The following KCNQ2 variants were observed in gnomAD, a reference collection of about 807,000 sequenced individuals.
KCNQ2 encodes the protein potassium voltage-gated channel subfamily KQT member 2.
In KCNQ2, 14 loss-of-function variants were observed where a neutral mutation model predicts 84.8. The ratio of observed to expected loss-of-function variants is 0.17; its 90% CI spans 0.11 to 0.26. KCNQ2 has a LOEUF of 0.26. Among genes scored for constraint, KCNQ2 ranks in the 10% least tolerant of loss-of-function variants. The probability of loss-of-function intolerance (pLI) is 1.00; values close to 1 mark genes in which losing one functional copy is unlikely to be tolerated. For synonymous variants in KCNQ2, 599 were observed against 554.1 expected (o/e 1.08, Z -1.14); for missense variants, 788 against 1,254.0 (o/e 0.63, Z 5.61).
In KCNQ2 at chr20:63,414,029, C is replaced by T. The variant is rs542482400; in HGVS notation, c.1631+59G>A. On this transcript the variant is annotated intron_variant, in intron 14 of 16. Coordinates refer to ENST00000359125, the MANE Select transcript of KCNQ2 (RefSeq NM_172107.4). The surrounding 1 kb of genome is among the most constrained non-coding windows in gnomAD (Gnocchi z 6.6). ...CCATGAGCACCGGCAGCAGGCAGGA[C>T]CACCGAGCGGGAGGCCCCTCCTCAC... 1.0e-4 allele frequency: 130 copies of T among 1,280,302 alleles called. No individual in the cohort carries two copies. The African/African-American group carries it at 1.7e-3, about 17-fold the overall frequency. The allele number at this position is 1,280,302 out of a possible 1,614,324, so 79.3% of individuals were successfully genotyped here.
Position 63,464,844 on chromosome 20 carries a change from G to C in KCNQ2, c.296+7324C>G, listed in dbSNP as rs556641147. On this transcript the variant is annotated intron_variant, in intron 1 of 16. Transcript: ENST00000359125. ...GACTCTCCCAGGTGGGACTGAGGGG[G>C]TCTCCCCTGTCCTTGGCAGGGGCGT... Among the ~76,000 whole-genome samples the C allele has an allele frequency of 3.3e-5, 5 of 152,222 alleles. No individual in the cohort carries two copies. In the East Asian group the frequency reaches 9.7e-4, roughly 29 times the overall value.
chr20:63,448,866 C>T (rs963974097), intron 1 of KCNQ2, among the ~76,000 whole-genome samples: 3 of 152,154 alleles, frequency 2.0e-5, no homozygotes, highest in Admixed American at 6.5e-5. Context: ...GGTCACGCCC[C>T]CTCATCATTG....
In KCNQ2 at chr20:63,406,098, G is replaced by C. The variant is rs916180544; in HGVS notation, c.*546C>G. 1.3e-5 allele frequency: 2 copies of C among 154,916 alleles called. No individual in the cohort carries two copies. The highest frequency in any genetic ancestry group is 4.8e-5 in the African/African-American group (2 of 41,464). The allele number at this position is 154,916 out of a possible 1,614,324, so 9.6% of individuals were successfully genotyped here. On this transcript the variant is annotated 3_prime_UTR_variant, in exon 17 of 17. Transcript: ENST00000359125. ...TTGGGCGCCCCTGAGGTGGGGAACA[G>C]GAAAGCCCGCCGGGCAGGTCAGGTG...
At chr20:63,434,083 T>C (rs1195496906) in intron 7 of KCNQ2, 180 bp from the exon 8 acceptor site, 3 of 582,792 alleles carry the variant, frequency 5.1e-6, no homozygotes, top group Non-Finnish European at 9.1e-6. Context: ...CAGTTTACCC[T>C]CTGTAGGACA....
intron 4 of KCNQ2, among the ~76,000 whole-genome samples, chr20:63,443,201 CATCACCACCACCACCATG>C (rs2081286861): frequency 8.3e-6 from 1 of 121,204 alleles, no homozygotes; most frequent in African/African-American, 3.2e-5. Context: ...CCACCACCAC[CATCACCACCACCACCATG>C]ATCACCACCA....
At chr20:63,423,864 C>G in intron 11 of KCNQ2, 3 of 491,850 alleles carry the variant, frequency 6.1e-6, no homozygotes, top group Non-Finnish European at 1.1e-5. Context: ...ACAGAGACCC[C>G]CTGCCTCCGA....
At chr20:63,431,954 A>ATCCATCCACAGGGAAGGC (rs2080804019) in intron 8 of KCNQ2, among the ~76,000 whole-genome samples, 1 of 94,320 alleles carries the variant, frequency 1.1e-5, no homozygotes, top group Non-Finnish European at 2.2e-5. Flanking sequence ...TCAGGGTAGG[A>ATCCATCCACAGGGAAGGC]TCCACCCACA....
rs536981069 is a variant in KCNQ2, at chr20:63,437,738, T to C, written c.1023+887A>G. On this transcript the variant is annotated intron_variant, in intron 7 of 16. Coordinates refer to ENST00000359125, the MANE Select transcript of KCNQ2 (RefSeq NM_172107.4). ...CAGGGATCCTGGTCAGCTCTGCGGG[T>C]CCAGTGGATGGAAGACTTTGGGGAG... 3.3e-5 allele frequency among the ~76,000 whole-genome samples: 5 copies of C among 152,334 alleles called. No homozygotes were observed. In the South Asian group the frequency reaches 1.0e-3, roughly 32 times the overall value.
At position 63,407,449 on chromosome 20, in the gene KCNQ2, A is replaced by C. The variant is rs929450061; in HGVS notation, c.1888-74T>G. 31 of 1,528,238 alleles carry C rather than the reference A, an allele frequency of 2.0e-5. No homozygotes were observed. The African/African-American group carries it at 3.7e-4, about 18-fold the overall frequency. The allele number at this position is 1,528,238 out of a possible 1,614,324, so 94.7% of individuals were successfully genotyped here. ...TGTGGGGACCCAGGCTGCTCCCAGGAAATGGGGGGGCCCAGGCTGGTTCCA... is the reference window on the plus strand; with the variant it reads ...TGTGGGGACCCAGGCTGCTCCCAGGCAATGGGGGGGCCCAGGCTGGTTCCA... On this transcript the variant is annotated intron_variant, in intron 16 of 16. Transcript: ENST00000359125. This position sits in a 1 kb window ranked among gnomAD's most constrained non-coding sequence, Gnocchi z 7.2.
intron 9 of KCNQ2, 38 bp from the exon 10 acceptor site, chr20:63,428,473 C>T (rs1253873397): frequency 1.8e-5 from 28 of 1,519,344 alleles, no homozygotes; most frequent in Non-Finnish European, 2.3e-5. Flanking sequence ...AGCGTCTCAC[C>T]CTCCCGAGTC....
At chr20:63,416,630 C>A (rs772081175) in intron 12 of KCNQ2, among the ~76,000 whole-genome samples, 6 of 152,190 alleles carry the variant, frequency 3.9e-5, no homozygotes, top group Non-Finnish European at 8.8e-5. Flanking sequence ...CCCTGACACA[C>A]TTCAGAGAGG....
In KCNQ2 at chr20:63,417,691, C is replaced by T. The variant is rs117149852; in HGVS notation, c.1301+1928G>A. 1.6e-4 allele frequency among the ~76,000 whole-genome samples: 24 copies of T among 152,384 alleles called. No homozygotes were observed. In the East Asian group the frequency reaches 3.9e-3, roughly 24 times the overall value. ...CCAGGAAGGGTCAGGCCCCACAGTC[C>T]GCAGGGAGTTGCAGGAAGGGAGTGG... On this transcript the variant is annotated intron_variant, in intron 12 of 16. Coordinates refer to ENST00000359125, the MANE Select transcript of KCNQ2 (RefSeq NM_172107.4).
At chr20:63,452,891 C>A (rs2081655913) in intron 1 of KCNQ2, among the ~76,000 whole-genome samples, 1 of 152,190 alleles carries the variant, frequency 6.6e-6, no homozygotes. Context: ...GACGACGCGC[C>A]AGCCGGAGCT....
intron 10 of KCNQ2, among the ~76,000 whole-genome samples, chr20:63,427,003 T>G (rs1043406922): frequency 6.6e-6 from 1 of 152,190 alleles, no homozygotes; most frequent in African/African-American, 2.4e-5. Flanking sequence ...GGCAGAGCCC[T>G]TGAGGTCAGG....
chr20:63,430,143 G>A (rs1055511333), intron 9 of KCNQ2, among the ~76,000 whole-genome samples: 3 of 152,198 alleles, frequency 2.0e-5, no homozygotes, highest in South Asian at 4.1e-4. Context: ...GCCATGCCTC[G>A]AACACACAGA....
chr20:63,411,148 G>T, intron 15 of KCNQ2: 1 of 393,862 alleles, frequency 2.5e-6, no homozygotes, highest in South Asian at 1.8e-5. Flanking sequence ...GGAGCTGCTG[G>T]AGCGCACGCC....
Position 63,415,063 on chromosome 20 carries a change from C to T in KCNQ2, c.1365G>A (p.Lys455=), listed in dbSNP as rs267606052. The T allele has an allele frequency of 6.2e-7, 1 of 1,607,238 alleles. No individual in the cohort carries two copies. Among genetic ancestry groups the T allele is most frequent in the Non-Finnish European group, 8.5e-7 (1 of 1,179,902 alleles). The change falls in exon 13 of 17, where the codon AAG becomes AAA. Residue 455 remains lysine, a synonymous_variant. Coordinates refer to ENST00000359125, the MANE Select transcript of KCNQ2 (RefSeq NM_172107.4). ...SSPRGVAAKG[K]GSPQAQTVRR... is the part of the protein sequence containing the mutation. ...TCACAGTCTGGGCCTGCGGGGACCC[C>T]TTCCCCTTGGCAGCCACGCCTCGGG...
rs747843915 is a variant in KCNQ2, at chr20:63,433,865, T to C, written c.1062A>G (p.Thr354=). 6.2e-7 allele frequency: 1 copy of C among 1,613,808 alleles called. No individual in the cohort carries two copies. Among genetic ancestry groups the C allele is most frequent in the East Asian group, 2.2e-5 (1 of 44,874 alleles). The change falls in exon 8 of 17, where the codon ACA becomes ACG. Residue 354 remains threonine (T), a synonymous_variant. Transcript: ENST00000359125. ...WRFYATNLSR[T]DLHSTWQYYE... ...AGTACTGCCACGTGGAGTGCAGGTC[T>C]GTGCGCGAGAGGTTGGTGGCGTAGA... is the stretch of plus-strand genomic sequence containing the variant.
At position 63,428,368 on chromosome 20, in the gene KCNQ2, T is replaced by C. The variant is rs1240338507; in HGVS notation, c.1216A>G (p.Arg406Gly). 1 of 1,566,852 alleles carries C rather than the reference T, an allele frequency of 6.4e-7. No homozygotes were observed. The highest frequency in any genetic ancestry group is 1.9e-5 in the Admixed American group (1 of 52,364). Reference protein sequence around the residue: ...NLKSKSGLAFRKDPPPEPSPS... With the variant: ...NLKSKSGLAFGKDPPPEPSPS... Reference sequence around the variant, plus strand: ...CCCACCTGGAGCTCCCCAGCTGACCTGAAAGCGAGTCCAGATTTACTCTTG... The same window carrying C: ...CCCACCTGGAGCTCCCCAGCTGACCCGAAAGCGAGTCCAGATTTACTCTTG... Residue 406 changes from arginine (R) to glycine (G), a missense_variant and splice_region_variant, in exon 10 of 17, where the codon AGG becomes GGG. Arg to Gly is a moderately radical substitution (Grantham distance 125). Around this residue, in one of 8 missense-constraint regions of KCNQ2, gnomAD observed 202 missense variants for 239.4 expected, o/e 0.84. Coordinates refer to ENST00000359125, the MANE Select transcript of KCNQ2 (RefSeq NM_172107.4).
Sources: allele counts gnomAD v4.1 joint callset (sites outside exome capture counted in the v4.1 genomes callset), GRCh38; gene constraint gnomAD v4.1.1; regional missense constraint gnomAD v4.1.1; non-coding constraint Gnocchi (gnomAD v3.1); transcripts MANE v1.5; gene names NCBI Gene and HGNC (gene_info 2026-07-23, HGNC 2026-07-21).